DLC1: variants seen among roughly 807,000 people sequenced by gnomAD.
The protein encoded by DLC1 is DLC1 Rho GTPase activating protein.
Under a neutral mutation model 140.3 loss-of-function variants are expected in DLC1, and 54 were observed. The observed-to-expected ratio is 0.38, with a 90% CI of 0.31 to 0.48. DLC1 has a LOEUF of 0.48. Ranked by LOEUF, DLC1 falls within the 20% of genes least tolerant of loss-of-function variation. The pLI, the probability that DLC1 is intolerant of heterozygous loss-of-function variation, is 0.96. For missense variants in DLC1, 2,536 were observed against 1,907.0 expected, an observed-to-expected ratio of 1.33 and a Z score of -6.14; for synonymous variants, 986 against 728.1, an observed-to-expected ratio of 1.35 and a Z score of -5.70.
At chr8:13,341,443 C>G (rs1446794874) in intron 4 of DLC1, 4 of 150,912 alleles carry the variant, frequency 2.7e-5, no homozygotes, top group African/African-American at 9.9e-5. Flanking sequence ...TTACTGGCCC[C>G]CACACATGGT....
rs1361051942 is a variant in DLC1 at position 13,359,559 on chromosome 8, A to T, written c.1314+33994T>A. ...AGCAAAGTACAGCTCAATCTAAACGATGCATTGGAAAGGAAACTCCACAAA... is the reference window on the plus strand; with the variant it reads ...AGCAAAGTACAGCTCAATCTAAACGTTGCATTGGAAAGGAAACTCCACAAA... On this transcript the variant is annotated intron_variant, in intron 4 of 17. Transcript: ENST00000276297. 2.6e-5 allele frequency among the ~76,000 whole-genome samples: 4 copies of T among 152,274 alleles called. No homozygotes were observed. In the East Asian group the frequency reaches 7.7e-4, roughly 29 times the overall value.
At chr8:13,387,211 T>A (rs1221383472) in intron 4 of DLC1, among the ~76,000 whole-genome samples, 2 of 152,040 alleles carry the variant, frequency 1.3e-5, no homozygotes, top group Admixed American at 6.6e-5. Flanking sequence ...TAGCCAATTT[T>A]ATATATTACC....
chr8:13,522,491 G>C (rs887104951), intron 1 of DLC1, among the ~76,000 whole-genome samples: 1 of 152,000 alleles, frequency 6.6e-6, no homozygotes, highest in Non-Finnish European at 1.5e-5. Flanking sequence ...TGGGCATGGT[G>C]GTGGGTGCCT....
intron 2 of DLC1, among the ~76,000 whole-genome samples, chr8:13,432,626 C>T (rs972073747): frequency 6.6e-6 from 1 of 152,040 alleles, no homozygotes. Flanking sequence ...CTCTTCTGCC[C>T]ATAGGAAGAG....
intron 5 of DLC1, among the ~76,000 whole-genome samples, chr8:13,162,877 G>T (rs1001262624): frequency 6.6e-6 from 1 of 152,116 alleles, no homozygotes; most frequent in Non-Finnish European, 1.5e-5. Flanking sequence ...GAGGCTGCAG[G>T]ATCACACCAC....
chr8:13,341,025 T>C (rs544016810), intron 4 of DLC1: 4 of 152,174 alleles, frequency 2.6e-5, no homozygotes, highest in Admixed American at 1.3e-4. Context: ...AGGGTCAATA[T>C]TGAGACTCAT....
intron 2 of DLC1, among the ~76,000 whole-genome samples, chr8:13,426,699 G>T (rs1305557582): frequency 6.6e-6 from 1 of 152,134 alleles, no homozygotes; most frequent in African/African-American, 2.4e-5. Flanking sequence ...CTTCCTCGCA[G>T]ATCTGTGTTC....
At chr8:13,448,236 A>T (rs902213604) in intron 2 of DLC1, among the ~76,000 whole-genome samples, 1 of 152,184 alleles carries the variant, frequency 6.6e-6, no homozygotes, top group East Asian at 1.9e-4. Context: ...CACATGGAAA[A>T]AAGGTTGGGA....
chr8:13,272,712 T>G (rs753116728), intron 5 of DLC1, among the ~76,000 whole-genome samples: 1 of 149,692 alleles, frequency 6.7e-6, no homozygotes, highest in Non-Finnish European at 1.5e-5. Flanking sequence ...ATACAAAAAA[T>G]AGAAAAAAAA....
At chr8:13,396,766 T>G (rs1184846584) in intron 3 of DLC1, among the ~76,000 whole-genome samples, 2 of 152,140 alleles carry the variant, frequency 1.3e-5, no homozygotes, top group East Asian at 3.9e-4. Flanking sequence ...AGTACAAATC[T>G]TTATTATTTT....
intron 5 of DLC1, among the ~76,000 whole-genome samples, chr8:13,290,615 G>C (rs7013631): frequency 0.049 from 7,427 of 152,204 alleles, 234 homozygotes; most frequent in South Asian, 0.12. Flanking sequence ...ATAATAAAGA[G>C]TATAAAAGGA....
intron 2 of DLC1, among the ~76,000 whole-genome samples, chr8:13,413,915 G>C (rs1837926779): frequency 6.6e-6 from 1 of 152,018 alleles, no homozygotes; most frequent in African/African-American, 2.4e-5. Flanking sequence ...ATTCATCCTT[G>C]GGAGCTGAAT....
At position 13,450,001 on chromosome 8, in the gene DLC1, A is replaced by C. The variant is rs139658226; in HGVS notation, c.1024-48382T>G. 6.4e-3 allele frequency among the ~76,000 whole-genome samples: 978 copies of C among 152,194 alleles called. 11 individuals carry two copies. The highest frequency in any genetic ancestry group is 0.037 in the South Asian group (176 of 4,794). Reference sequence around the variant, plus strand: ...TTACAGGCTTCCCCAACTCTGTATTATTGTGGCAGTCAGTTATAGTATGCA... The same window carrying C: ...TTACAGGCTTCCCCAACTCTGTATTCTTGTGGCAGTCAGTTATAGTATGCA... On this transcript the variant is annotated intron_variant, in intron 2 of 17. Coordinates refer to ENST00000276297, the MANE Select transcript of DLC1 (RefSeq NM_182643.3).
intron 2 of DLC1, among the ~76,000 whole-genome samples, chr8:13,471,173 T>A (rs954752442): frequency 2.0e-5 from 3 of 151,756 alleles, no homozygotes; most frequent in Admixed American, 6.6e-5. Context: ...GAGGCACTGA[T>A]CAAGGGGTAC....
chr8:13,167,454 C>T (rs148407685), intron 5 of DLC1, among the ~76,000 whole-genome samples: 1 of 152,114 alleles, frequency 6.6e-6, no homozygotes, highest in East Asian at 1.9e-4. Flanking sequence ...CCCTCATTTC[C>T]CTGGGGATTA....
chr8:13,427,381 C>T (rs1838640374), intron 2 of DLC1, among the ~76,000 whole-genome samples: 1 of 152,300 alleles, frequency 6.6e-6, no homozygotes, highest in African/African-American at 2.4e-5. Context: ...CCCTAGTCTC[C>T]ACCCATTTCT....
intron 5 of DLC1, among the ~76,000 whole-genome samples, chr8:13,282,135 C>T (rs1363703398): frequency 1.3e-5 from 2 of 152,200 alleles, no homozygotes; most frequent in East Asian, 3.8e-4. Flanking sequence ...TCTCATTCCA[C>T]TTCAGAAAAA....
chr8:13,273,972 C>T (rs187249076), intron 5 of DLC1, among the ~76,000 whole-genome samples: 40 of 152,212 alleles, frequency 2.6e-4, no homozygotes, highest in African/African-American at 9.6e-4. Context: ...CTTCCAGAGA[C>T]TTAAAAAACA....
intron 5 of DLC1, among the ~76,000 whole-genome samples, chr8:13,132,205 CTGTGTGTGTG>C (rs147699066): frequency 9.0e-4 from 125 of 139,190 alleles, no homozygotes; most frequent in Admixed American, 2.0e-3. Flanking sequence ...AAAACCAAAA[CTGTGTGTGTG>C]TGTGTGTGTG....
Sources: allele counts gnomAD v4.1 joint callset (sites outside exome capture counted in the v4.1 genomes callset), GRCh38; gene constraint gnomAD v4.1.1; transcripts MANE v1.5; gene names NCBI Gene and HGNC (gene_info 2026-07-23, HGNC 2026-07-21).